CDK13: variants seen among roughly 807,000 people sequenced by gnomAD.
CDK13 encodes the protein cyclin-dependent kinase 13.
Under a neutral mutation model 137.6 loss-of-function variants are expected in CDK13, and 40 were observed. The ratio of observed to expected loss-of-function variants is 0.29; its 90% confidence interval spans 0.23 to 0.38. CDK13 has a LOEUF of 0.38. Among genes scored for constraint, CDK13 ranks in the 10% least tolerant of loss-of-function variants. The pLI is 1.00. For missense variants in CDK13, 1,704 were observed against 1,951.8 expected (o/e 0.87, Z 2.39); for synonymous variants, 869 against 760.1 (o/e 1.14, Z -2.36).
chr7:40,064,669 A>C (rs1481731808), intron 9 of CDK13, among the ~76,000 whole-genome samples: 1 of 152,142 alleles, frequency 6.6e-6, no homozygotes, highest in Non-Finnish European at 1.5e-5. Flanking sequence ...CGAAGCCAGA[A>C]ACTAGTAGTG....
intron 11 of CDK13, among the ~76,000 whole-genome samples, chr7:40,084,005 A>G (rs564632022): frequency 2.0e-5 from 3 of 152,166 alleles, no homozygotes; most frequent in African/African-American, 4.8e-5. Flanking sequence ...CTTTTGATCA[A>G]TTTTTTAGGA....
At position 40,035,574 on chromosome 7, in the gene CDK13, T is replaced by C. The variant is rs192595628; in HGVS notation, c.2354-10262T>C. Among the ~76,000 whole-genome samples, 615 of 152,114 alleles carry C rather than the reference T, an allele frequency of 4.0e-3. 4 individuals are homozygous for C. The highest frequency in any genetic ancestry group is 0.014 in the African/African-American group (593 of 41,500). ...TTGTGTACTCCTTATGAGAATCTAATGTCTGATGATCTGTCACTGTCTCCC... is the reference window on the plus strand; with the variant it reads ...TTGTGTACTCCTTATGAGAATCTAACGTCTGATGATCTGTCACTGTCTCCC... On this transcript the variant is annotated intron_variant, in intron 5 of 13. Transcript: ENST00000181839.
At position 39,988,231 on chromosome 7, in the gene CDK13, T is replaced by C; in HGVS notation, c.1844T>C (p.Met615Thr). 2 of 1,604,960 alleles carry C rather than the reference T, an allele frequency of 1.2e-6. No individual in the cohort carries two copies. The highest frequency in any genetic ancestry group is 1.7e-6 in the Non-Finnish European group (2 of 1,177,740). Residue 615 changes from methionine (M) to threonine (T), a missense_variant, in exon 2 of 14, where the codon ATG (methionine) becomes ACG (threonine). Around this residue, in one of 5 missense-constraint regions of CDK13, gnomAD observed 1,051 missense variants for 931.0 expected, o/e 1.13. Transcript: ENST00000181839. ...TTACCACCGTTACCTTTGCCTCCCA[T>C]GCTGCCTGAAGATAAAGAAGCTGAT... ...STLPPLPLPPMLPEDKEADSL... is the reference protein window; with the variant it reads ...STLPPLPLPPTLPEDKEADSL...
chr7:39,957,184 G>C (rs760315958), intron 1 of CDK13, among the ~76,000 whole-genome samples: 14 of 147,376 alleles, frequency 9.5e-5, no homozygotes, highest in Non-Finnish European at 1.6e-4. Flanking sequence ...TCCTGGGGTT[G>C]AACAATCCTC....
chr7:40,031,243 C>T (rs1037407012), intron 5 of CDK13, among the ~76,000 whole-genome samples: 12 of 151,942 alleles, frequency 7.9e-5, no homozygotes, highest in Admixed American at 3.3e-4. Flanking sequence ...ATGTTAAGGC[C>T]GGGTGTGGTG....
intron 1 of CDK13, among the ~76,000 whole-genome samples, chr7:39,965,702 C>A (rs1242148428): frequency 1.3e-5 from 2 of 152,206 alleles, no homozygotes; most frequent in Non-Finnish European, 2.9e-5. Flanking sequence ...GATGCAGTTT[C>A]TTCCTAGCCT....
At position 40,096,313 on chromosome 7, in the gene CDK13, C is replaced by A. The variant is rs1278660132; in HGVS notation, c.*1333C>A. The A allele has an allele frequency of 6.6e-6, 1 of 151,958 alleles. No homozygotes were observed. The highest frequency in any genetic ancestry group is 1.5e-5 in the Non-Finnish European group (1 of 67,978). 9.4% of individuals were successfully genotyped at this position (151,958 alleles called of 1,614,324 possible). A position where few individuals can be genotyped will look rare whatever the true frequency, so the allele number is the denominator to read the frequency against. The stretch of plus-strand genomic sequence containing the variant: ...CTGTAAAGTTGATTATGACTTCTGC[C>A]AGACTTAGAGCAACAACTTTAGTTC... On this transcript the variant is annotated 3_prime_UTR_variant, in exon 14 of 14. Transcript: ENST00000181839.
At chr7:40,047,346 G>A (rs748889865) in intron 6 of CDK13, among the ~76,000 whole-genome samples, 1 of 149,538 alleles carries the variant, frequency 6.7e-6, no homozygotes, top group Non-Finnish European at 1.5e-5. Flanking sequence ...AGGCATGGCT[G>A]GTTCTCATTT....
intron 2 of CDK13, among the ~76,000 whole-genome samples, chr7:39,992,943 C>G (rs1376319908): frequency 6.6e-6 from 1 of 152,128 alleles, no homozygotes; most frequent in East Asian, 1.9e-4. Context: ...TTTTACTCTA[C>G]TAGTAGTGAT....
At chr7:40,080,701 TC>T (rs1451780994) in intron 11 of CDK13, among the ~76,000 whole-genome samples, 2 of 152,220 alleles carry the variant, frequency 1.3e-5, no homozygotes, top group African/African-American at 4.8e-5. Context: ...TGGAAAAATT[TC>T]AACTCTATAG....
At chr7:39,973,020 T>G (rs773385) in intron 1 of CDK13, among the ~76,000 whole-genome samples, 68,344 of 152,112 alleles carry the variant, frequency 0.45, 17,541 homozygotes, top group East Asian at 0.63. Flanking sequence ...TGGTTTAGAT[T>G]TGCATTTCTC....
intron 5 of CDK13, among the ~76,000 whole-genome samples, chr7:40,023,080 A>C (rs1334297205): frequency 6.6e-6 from 1 of 151,140 alleles, no homozygotes; most frequent in Non-Finnish European, 1.5e-5. Context: ...GTTCTAGTAC[A>C]ACTTATACTT....
chr7:39,965,362 C>A (rs1783846821), intron 1 of CDK13, among the ~76,000 whole-genome samples: 1 of 152,108 alleles, frequency 6.6e-6, no homozygotes, highest in African/African-American at 2.4e-5. Context: ...ATCCCTTTAC[C>A]ATTATGTAAT....
chr7:40,031,331 G>T (rs1163178692), intron 5 of CDK13, among the ~76,000 whole-genome samples: 1 of 152,074 alleles, frequency 6.6e-6, no homozygotes. Context: ...AGACCAGCCC[G>T]GCCAACATGG....
chr7:40,089,239 A>T (rs1291856096), intron 12 of CDK13, among the ~76,000 whole-genome samples: 1 of 151,636 alleles, frequency 6.6e-6, no homozygotes, highest in Non-Finnish European at 1.5e-5. Context: ...GTTCGAGACC[A>T]GCCCAGACAA....
Position 39,974,908 on chromosome 7 carries a change from A to G in CDK13, c.1212-12691A>G, listed in dbSNP as rs541534667. Among the ~76,000 whole-genome samples, 14 of 152,312 alleles carry G rather than the reference A, an allele frequency of 9.2e-5. No homozygotes were observed. The South Asian group carries it at 2.3e-3, about 25-fold the overall frequency. ...ATCCTTGACTAATTACAATGGCTAG[A>G]ACCTCAAATACAATGTTGAACAGAG... On this transcript the variant is annotated intron_variant, in intron 1 of 13. Coordinates refer to ENST00000181839, the MANE Select transcript of CDK13 (RefSeq NM_003718.5).
At chr7:40,087,649 T>A (rs17538223) in intron 11 of CDK13, among the ~76,000 whole-genome samples, 1 of 148,800 alleles carries the variant, frequency 6.7e-6, no homozygotes, top group Non-Finnish European at 1.5e-5. Context: ...CCCGGGTTCA[T>A]GCCATTCTCC....
At chr7:39,961,521 C>T (rs904491717) in intron 1 of CDK13, among the ~76,000 whole-genome samples, 2 of 152,124 alleles carry the variant, frequency 1.3e-5, no homozygotes, top group African/African-American at 4.8e-5. Context: ...TCCCCTAGAC[C>T]CTGGTAACCA....
At chr7:40,047,743 T>C (rs1273400268) in intron 6 of CDK13, 78 bp from the exon 7 acceptor site, 5 of 967,082 alleles carry the variant, frequency 5.2e-6, no homozygotes, top group Non-Finnish European at 8.4e-6. Context: ...TAATCAGTTC[T>C]AGGCATAGAA....
Sources: gnomAD v4.1 joint callset for allele counts (sites outside exome capture counted in the v4.1 genomes callset) on GRCh38, gnomAD v4.1.1 for gene constraint, gnomAD v4.1.1 regional missense constraint, MANE v1.5 for transcripts, NCBI Gene and HGNC (gene_info 2026-07-23, HGNC 2026-07-21) for gene names.